The following VAT1L variants were observed in gnomAD, a reference collection of about 807,000 sequenced individuals.
The protein encoded by VAT1L is vesicle amine transport 1 like.
A neutral mutation model predicts 44.1 loss-of-function variants in VAT1L; 34 were observed. The observed-to-expected ratio is 0.77, with a 90% CI of 0.59 to 1.03. The LOEUF (loss-of-function observed/expected upper bound fraction) is 1.03. Ranked by LOEUF, VAT1L falls within the 50% of genes least tolerant of loss-of-function variation. The pLI is 0.00. For missense variants in VAT1L, 615 were observed against 538.8 expected (o/e 1.14, Z -1.40); for synonymous variants, 253 against 202.2 (o/e 1.25, Z -2.13).
rs577827869 is a variant in VAT1L at position 77,957,198 on chromosome 16, C to G, written c.1078-14652C>G. 1.5e-4 allele frequency among the ~76,000 whole-genome samples: 23 copies of G among 152,288 alleles called. No individual in the cohort carries two copies. The East Asian group carries it at 4.1e-3, about 27-fold the overall frequency. On this transcript the variant is annotated intron_variant, in intron 7 of 8. Transcript: ENST00000302536. ...AAGGTTTTGAAGGGTCTTTGGAATTCTTAAATTTTTAGCCCTTTTCCATGA... is the reference window on the plus strand; with the variant it reads ...AAGGTTTTGAAGGGTCTTTGGAATTGTTAAATTTTTAGCCCTTTTCCATGA...
In VAT1L at chr16:77,862,728, C is replaced by T. The variant is rs753063839; in HGVS notation, c.580-20C>T. The T allele has an allele frequency of 6.2e-7, 1 of 1,608,730 alleles. No homozygotes were observed. On this transcript the variant is annotated intron_variant, in intron 3 of 8. Transcript: ENST00000302536. ...CTGGTGGCTCCTATGTGTGACATAG[C>T]TATTGTCTTTTCCTTCCAGGGTCAA...
intron 7 of VAT1L, among the ~76,000 whole-genome samples, chr16:77,897,337 T>G (rs1412691380): frequency 6.6e-6 from 1 of 152,192 alleles, no homozygotes; most frequent in East Asian, 1.9e-4. Flanking sequence ...ATGATTATTG[T>G]GCAATCAACT....
At chr16:77,822,414 G>C (rs1256311671) in intron 2 of VAT1L, among the ~76,000 whole-genome samples, 1 of 152,090 alleles carries the variant, frequency 6.6e-6, no homozygotes, top group African/African-American at 2.4e-5. Flanking sequence ...CACCACGCCT[G>C]GCCTGGCTGA....
At chr16:77,805,573 ACAAAGCCTCGCACGAGG>A in intron 1 of VAT1L, among the ~76,000 whole-genome samples, 1 of 102,106 alleles carries the variant, frequency 9.8e-6, no homozygotes, top group South Asian at 3.0e-4. Flanking sequence ...TCTGCTTGGC[ACAAAGCCTCGCACGAGG>A]TCTGCTTGCT....
chr16:77,913,090 CT>C (rs1301470573), intron 7 of VAT1L, among the ~76,000 whole-genome samples: 1 of 152,142 alleles, frequency 6.6e-6, no homozygotes, highest in Non-Finnish European at 1.5e-5. Flanking sequence ...TCTATAGCAG[CT>C]TTTGCTGTTT....
intron 1 of VAT1L, chr16:77,800,729 T>C (rs1160085895): frequency 6.6e-6 from 1 of 152,224 alleles, no homozygotes; most frequent in Non-Finnish European, 1.5e-5. Context: ...CCAGTGCAGG[T>C]TACAAAGCAG....
intron 7 of VAT1L, among the ~76,000 whole-genome samples, chr16:77,954,682 A>C (rs1015815398): frequency 1.3e-5 from 2 of 152,184 alleles, no homozygotes; most frequent in Non-Finnish European, 2.9e-5. Context: ...CATCTTAGCC[A>C]AGCAGGGGAC....
intron 7 of VAT1L, among the ~76,000 whole-genome samples, chr16:77,905,103 GA>G (rs1338255352): frequency 2.0e-5 from 3 of 152,182 alleles, no homozygotes; most frequent in Non-Finnish European, 2.9e-5. Flanking sequence ...ATGTGGTTAT[GA>G]AAGACCCTTA....
intron 7 of VAT1L, among the ~76,000 whole-genome samples, chr16:77,961,423 C>A (rs370152463): frequency 3.3e-5 from 5 of 152,186 alleles, no homozygotes; most frequent in African/African-American, 1.2e-4. Context: ...CTACTCCTGG[C>A]TCTCAGATCC....
At chr16:77,953,567 G>T (rs1485642759) in intron 7 of VAT1L, among the ~76,000 whole-genome samples, 1 of 151,978 alleles carries the variant, frequency 6.6e-6, no homozygotes, top group Non-Finnish European at 1.5e-5. Flanking sequence ...TTGATAAAGG[G>T]TCTCACTCTG....
At chr16:77,833,484 GGCTTAC>G (rs1360357373) in intron 3 of VAT1L, among the ~76,000 whole-genome samples, 1 of 151,558 alleles carries the variant, frequency 6.6e-6, no homozygotes, top group Non-Finnish European at 1.5e-5. Context: ...TGGGCGTGGT[GGCTTAC>G]GCCTGTAATC....
intron 7 of VAT1L, among the ~76,000 whole-genome samples, chr16:77,965,149 C>T (rs1244686696): frequency 6.6e-6 from 1 of 152,088 alleles, no homozygotes; most frequent in African/African-American, 2.4e-5. Flanking sequence ...CTGTGATTCC[C>T]CCAGGACAGA....
At chr16:77,876,965 G>A (rs1425125448) in intron 5 of VAT1L, among the ~76,000 whole-genome samples, 1 of 152,178 alleles carries the variant, frequency 6.6e-6, no homozygotes, top group Admixed American at 6.5e-5. Context: ...GCCCTGAATA[G>A]ATGGAACACA....
intron 7 of VAT1L, among the ~76,000 whole-genome samples, chr16:77,961,484 A>G (rs905595870): frequency 2.6e-5 from 4 of 152,190 alleles, no homozygotes; most frequent in Non-Finnish European, 5.9e-5. Flanking sequence ...AGGTGGGAGA[A>G]GAAACCATTG....
intron 3 of VAT1L, among the ~76,000 whole-genome samples, chr16:77,851,250 C>T (rs1377461761): frequency 1.3e-5 from 2 of 152,178 alleles, no homozygotes; most frequent in Non-Finnish European, 2.9e-5. Context: ...CAACCCTGCC[C>T]TGCCACTGAC....
rs1308746895 is a variant in VAT1L at position 77,884,408 on chromosome 16, G to C, written c.883-200G>C. On this transcript the variant is annotated intron_variant, in intron 6 of 8. Coordinates refer to ENST00000302536, the MANE Select transcript of VAT1L (RefSeq NM_020927.3). The surrounding 1 kb of genome is among the most constrained non-coding windows in gnomAD (Gnocchi z 4.5). ...ACTGCACTCCAGCCTGGGCTACAGA[G>C]TGAGACTCCATCTCAAAAAATAAAA... 2.0e-5 allele frequency among the ~76,000 whole-genome samples: 3 copies of C among 152,040 alleles called. No individual in the cohort carries two copies. The highest frequency in any genetic ancestry group is 7.2e-5 in the African/African-American group (3 of 41,400).
intron 7 of VAT1L, among the ~76,000 whole-genome samples, chr16:77,901,804 C>G (rs76780514): frequency 0.016 from 2,455 of 152,300 alleles, 37 homozygotes; most frequent in South Asian, 0.055. Context: ...CTGAAATAAT[C>G]TAACCAATGT....
chr16:77,841,199 G>C (rs563929430), intron 3 of VAT1L, among the ~76,000 whole-genome samples: 21 of 152,116 alleles, frequency 1.4e-4, no homozygotes, highest in Non-Finnish European at 2.9e-4. Flanking sequence ...TCCCACCTCA[G>C]TCTCCCAAGT....
chr16:77,977,082 C>G (rs780626137), intron 8 of VAT1L, among the ~76,000 whole-genome samples: 10 of 152,194 alleles, frequency 6.6e-5, no homozygotes, highest in Non-Finnish European at 1.5e-4. Flanking sequence ...GGGCACCTGC[C>G]CCTCTCTGCC....
Sources: allele counts gnomAD v4.1 joint callset (sites outside exome capture counted in the v4.1 genomes callset), GRCh38; gene constraint gnomAD v4.1.1; non-coding constraint Gnocchi (gnomAD v3.1); transcripts MANE v1.5; gene names NCBI Gene and HGNC (gene_info 2026-07-23, HGNC 2026-07-21).